Variants in SLC67A1 observed in about 807,000 individuals in gnomAD.
SLC67A1 encodes solute carrier family 67 member 1, also known as solute carrier family 67 member A1.
At chr11:2,909,495 C>A in the SLC67A1 span, 1 of 870,238 alleles carries the variant, frequency 1.1e-6, no homozygotes, top group Non-Finnish European at 1.4e-6. Context: ...CGACGTGGGG[C>A]GTGGCTTGTG....
the SLC67A1 span, chr11:2,917,133 G>A: frequency 3.0e-5 from 7 of 235,424 alleles, no homozygotes; most frequent in South Asian, 1.6e-4. Flanking sequence ...AGGGAGAGGC[G>A]AGGGTGCTGC....
chr11:2,919,388 T>C, the SLC67A1 span: 1 of 1,613,698 alleles, frequency 6.2e-7, no homozygotes, highest in Non-Finnish European at 8.5e-7. Context: ...CTCATGTCCT[T>C]CTTCGGGCTC....
the SLC67A1 span, among the ~76,000 whole-genome samples, chr11:2,918,365 T>C: frequency 6.6e-6 from 1 of 152,338 alleles, no homozygotes; most frequent in East Asian, 1.9e-4. Context: ...CTTACCCTCA[T>C]ACCCTGTGGC....
At chr11:2,922,303 G>C in the SLC67A1 span, 2 of 1,503,744 alleles carry the variant, frequency 1.3e-6, no homozygotes, top group South Asian at 2.3e-5. Flanking sequence ...GACTCCTCCA[G>C]CCCCCCACAC....
At chr11:2,903,780 C>A in the SLC67A1 span, 1 of 439,320 alleles carries the variant, frequency 2.3e-6, no homozygotes. Flanking sequence ...TAGCGCTGTT[C>A]CTCCTGCCTC....
the SLC67A1 span, among the ~76,000 whole-genome samples, chr11:2,923,282 A>C: frequency 2.0e-5 from 3 of 152,018 alleles, no homozygotes; most frequent in African/African-American, 4.8e-5. This position sits in a 1 kb window ranked among gnomAD's most constrained non-coding sequence, Gnocchi z 6.5. Context: ...CAGAAAGCTC[A>C]GGGCACACAT....
At chr11:2,903,382 T>TC in the SLC67A1 span, 1 of 1,612,928 alleles carries the variant, frequency 6.2e-7, no homozygotes, top group Non-Finnish European at 8.5e-7. Context: ...CCAGGGCCGG[T>TC]CCCCCGGCAG....
chr11:2,920,236 G>A, the SLC67A1 span: 1 of 152,272 alleles, frequency 6.6e-6, no homozygotes, highest in African/African-American at 2.4e-5. Flanking sequence ...GCTCCTGGGA[G>A]GGGCTGGACC....
At chr11:2,917,864 C>A in the SLC67A1 span, 1 of 689,306 alleles carries the variant, frequency 1.5e-6, no homozygotes. Flanking sequence ...GTGCTGAAGC[C>A]AAGGAAGGAA....
At chr11:2,908,354 G>T in the SLC67A1 span, 1 of 1,562,380 alleles carries the variant, frequency 6.4e-7, no homozygotes. Flanking sequence ...GTGTACAGGG[G>T]CTCTCCCCAC....
the SLC67A1 span, among the ~76,000 whole-genome samples, chr11:2,906,465 A>T: frequency 1.3e-5 from 2 of 152,374 alleles, no homozygotes; most frequent in South Asian, 2.1e-4. Context: ...ACTTGGAACC[A>T]ACCCAAATGT....
At chr11:2,922,710 T>A in the SLC67A1 span, among the ~76,000 whole-genome samples, 1 of 103,238 alleles carries the variant, frequency 9.7e-6, no homozygotes. Context: ...GGTGGGGGCT[T>A]GGGGTCTGTG....
chr11:2,905,788 C>G, the SLC67A1 span, among the ~76,000 whole-genome samples: 1 of 152,114 alleles, frequency 6.6e-6, no homozygotes. Context: ...AGGGGAGGGT[C>G]AAGAGAACGC....
At chr11:2,903,715 G>A in the SLC67A1 span, 49 of 581,044 alleles carry the variant, frequency 8.4e-5, no homozygotes, top group African/African-American at 1.3e-4. Context: ...CCCGGGAGAA[G>A]CCATGGGGAG....
At chr11:2,902,481 T>TC in the SLC67A1 span, 364,770 of 554,990 alleles carry the variant, frequency 0.66, 122,840 homozygotes, top group East Asian at 0.98. Context: ...GCTGCCCTGC[T>TC]CCCCCCAGCC....
the SLC67A1 span, among the ~76,000 whole-genome samples, chr11:2,904,391 G>C: frequency 6.6e-6 from 1 of 152,108 alleles, no homozygotes; most frequent in African/African-American, 2.4e-5. Context: ...ATCCCTCCCC[G>C]CCGTGCCTCA....
At chr11:2,909,496 G>A in the SLC67A1 span, 3 of 1,432,382 alleles carry the variant, frequency 2.1e-6, no homozygotes, top group Non-Finnish European at 2.7e-6. Flanking sequence ...GACGTGGGGC[G>A]TGGCTTGTGG....
At chr11:2,922,428 C>T in the SLC67A1 span, 359 of 1,609,502 alleles carry the variant, frequency 2.2e-4, no homozygotes, top group Middle Eastern at 3.3e-4. Flanking sequence ...CCCCGCCTGC[C>T]GTCCCAGGCC....
chr11:2,903,784 C>G, the SLC67A1 span: 2 of 431,000 alleles, frequency 4.6e-6, no homozygotes, highest in Admixed American at 3.6e-5. Flanking sequence ...GCTGTTCCTC[C>G]TGCCTCTCAC....
Sources: allele counts gnomAD v4.1 joint callset (sites outside exome capture counted in the v4.1 genomes callset), GRCh38; gene constraint gnomAD v4.1.1; non-coding constraint Gnocchi (gnomAD v3.1); transcripts MANE v1.5; gene names NCBI Gene and HGNC (gene_info 2026-07-23, HGNC 2026-07-21).